The following HMGA2 variants were observed in gnomAD, a reference collection of about 807,000 sequenced individuals.
HMGA2 encodes high mobility group protein HMGI-C.
In HMGA2, 8 loss-of-function variants were observed where a neutral mutation model predicts 19.1. The ratio of observed to expected loss-of-function variants is 0.42; its 90% CI spans 0.25 to 0.76. The LOEUF (loss-of-function observed/expected upper bound fraction) is 0.76, where lower values mean the gene tolerates loss of function less well. Among genes scored for constraint, HMGA2 ranks in the 30% least tolerant of loss-of-function variants. The pLI, the probability that HMGA2 is intolerant of heterozygous loss-of-function variation, is 0.28. For synonymous variants in HMGA2, 60 were observed against 48.8 expected (o/e 1.23, Z -0.96); for missense variants, 109 against 136.3 (o/e 0.80, Z 1.00).
chr12:65,923,072 G>A (rs902643029), intron 3 of HMGA2, among the ~76,000 whole-genome samples: 3 of 152,228 alleles, frequency 2.0e-5, no homozygotes, highest in African/African-American at 4.8e-5. Context: ...CCAACCTTGG[G>A]AAACTTCATT....
At position 65,965,404 on chromosome 12, in the gene HMGA2, C is replaced by G. The variant is rs192310189; in HGVS notation, c.*2112C>G. On this transcript the variant is annotated 3_prime_UTR_variant, in exon 5 of 5. Coordinates refer to ENST00000403681, the MANE Select transcript of HMGA2 (RefSeq NM_003483.6). ...TTTAACATGGTATTATCAACTGGGCCAGGAGGTAGTTTCTCATGACGGCTT... is the reference window on the plus strand; with the variant it reads ...TTTAACATGGTATTATCAACTGGGCGAGGAGGTAGTTTCTCATGACGGCTT... The G allele has an allele frequency of 4.1e-4, 84 of 203,656 alleles. No homozygotes were observed. Among genetic ancestry groups the G allele is most frequent in the African/African-American group, 1.9e-3 (83 of 43,748 alleles). The allele number at this position is 203,656 out of a possible 1,614,324, so 12.6% of individuals were successfully genotyped here.
intron 3 of HMGA2, among the ~76,000 whole-genome samples, chr12:65,873,333 A>T (rs973674790): frequency 6.6e-6 from 1 of 152,220 alleles, no homozygotes; most frequent in Non-Finnish European, 1.5e-5. Context: ...TTACAAATAA[A>T]TAATGCTTTC....
intron 2 of HMGA2, among the ~76,000 whole-genome samples, chr12:65,836,954 G>C (rs1199172871): frequency 6.6e-6 from 1 of 152,172 alleles, no homozygotes; most frequent in African/African-American, 2.4e-5. Flanking sequence ...TAAGAGGCTA[G>C]GAGCACAGTC....
rs1419274815 is a variant in HMGA2 at position 65,963,550 on chromosome 12, T to C, written c.*258T>C. The C allele has an allele frequency of 9.6e-6, 5 of 520,602 alleles. No homozygotes were observed. Among genetic ancestry groups the C allele is most frequent in the African/African-American group, 7.8e-5 (4 of 51,524 alleles). 32.2% of individuals were successfully genotyped at this position (520,602 alleles called of 1,614,324 possible). ...CTGCTGTAAACACAGGGGACACAGCTTAACAATGCAACTTTTAATTACTGT... is the reference window on the plus strand; with the variant it reads ...CTGCTGTAAACACAGGGGACACAGCCTAACAATGCAACTTTTAATTACTGT... On this transcript the variant is annotated 3_prime_UTR_variant, in exon 5 of 5. Coordinates refer to ENST00000403681, the MANE Select transcript of HMGA2 (RefSeq NM_003483.6).
chr12:65,827,925 A>C, intron 1 of HMGA2, 76 bp from the exon 2 acceptor site: 5 of 1,027,704 alleles, frequency 4.9e-6, no homozygotes, highest in Non-Finnish European at 7.7e-6. Flanking sequence ...CATGCAGAAA[A>C]TATAGCTAAA....
At chr12:65,910,631 G>C (rs1167477509) in intron 3 of HMGA2, among the ~76,000 whole-genome samples, 1 of 152,168 alleles carries the variant, frequency 6.6e-6, no homozygotes, top group Non-Finnish European at 1.5e-5. Context: ...TGTGGTCCCT[G>C]AGTTTTCATG....
At chr12:65,930,314 G>T (rs1875663974) in intron 3 of HMGA2, among the ~76,000 whole-genome samples, 1 of 152,116 alleles carries the variant, frequency 6.6e-6, no homozygotes, top group Non-Finnish European at 1.5e-5. Context: ...AAAGGGTACG[G>T]CCATGACCAC....
rs1246289081 is a variant in HMGA2 at position 65,964,880 on chromosome 12, T to C, written c.*1588T>C. On this transcript the variant is annotated 3_prime_UTR_variant, in exon 5 of 5. Coordinates refer to ENST00000403681, the MANE Select transcript of HMGA2 (RefSeq NM_003483.6). ...CACTACACATCACACAAGATTTGACTGTAATATTTAAATATTACCCTCCAA... is the reference window on the plus strand; with the variant it reads ...CACTACACATCACACAAGATTTGACCGTAATATTTAAATATTACCCTCCAA... 5.2e-6 allele frequency: 1 copy of C among 191,956 alleles called. No individual in the cohort carries two copies. Among genetic ancestry groups the C allele is most frequent in the Non-Finnish European group, 1.1e-5 (1 of 91,420 alleles). The allele number at this position is 191,956 out of a possible 1,614,324, so 11.9% of individuals were successfully genotyped here. A position where few individuals can be genotyped will look rare whatever the true frequency, so the allele number is the denominator to read the frequency against.
chr12:65,927,566 C>T lies in HMGA2; in HGVS notation c.250-23817C>T, dbSNP rs74498814. On this transcript the variant is annotated intron_variant, in intron 3 of 4. Coordinates refer to ENST00000403681, the MANE Select transcript of HMGA2 (RefSeq NM_003483.6). ...CGTTTTATAAAATCACAAATTATCA[C>T]AGTGATCTCCATTTGAGATGGAGAA... Among the ~76,000 whole-genome samples the T allele has an allele frequency of 7.3e-3, 1,113 of 152,266 alleles. 38 individuals carry two copies. Among genetic ancestry groups the T allele is most frequent in the South Asian group, 0.07 (340 of 4,826 alleles).
intron 3 of HMGA2, among the ~76,000 whole-genome samples, chr12:65,875,482 G>T (rs549070683): frequency 8.2e-4 from 125 of 151,792 alleles, no homozygotes; most frequent in South Asian, 2.3e-3. Flanking sequence ...GGAGTGCAGT[G>T]GTGTGATCTC....
intron 3 of HMGA2, among the ~76,000 whole-genome samples, chr12:65,850,830 A>G (rs1871429505): frequency 6.6e-6 from 1 of 152,200 alleles, no homozygotes; most frequent in Admixed American, 6.5e-5. Flanking sequence ...TGTGTATGAA[A>G]AAAGCAATTT....
intron 3 of HMGA2, among the ~76,000 whole-genome samples, chr12:65,899,609 G>A (rs969525730): frequency 6.6e-6 from 1 of 152,196 alleles, no homozygotes; most frequent in Non-Finnish European, 1.5e-5. Flanking sequence ...CCAGCTTTCC[G>A]AATGCTGGTT....
chr12:65,874,886 A>G (rs2121059655), intron 3 of HMGA2, among the ~76,000 whole-genome samples: 1 of 152,310 alleles, frequency 6.6e-6, no homozygotes, highest in South Asian at 2.1e-4. Context: ...TTTGAGACAG[A>G]TGTAGCTCTT....
At chr12:65,848,833 G>C (rs1489730287) in intron 3 of HMGA2, among the ~76,000 whole-genome samples, 1 of 151,880 alleles carries the variant, frequency 6.6e-6, no homozygotes. Flanking sequence ...TCCGCAGTCC[G>C]ACCTGGGCGA....
At chr12:65,918,561 G>A (rs933417691) in intron 3 of HMGA2, among the ~76,000 whole-genome samples, 8 of 152,040 alleles carry the variant, frequency 5.3e-5, no homozygotes, top group African/African-American at 1.7e-4. Flanking sequence ...AAGAAAAATG[G>A]CCTTGAAAAC....
At position 65,825,741 on chromosome 12, in the gene HMGA2, C is replaced by T. The variant is rs567273804; in HGVS notation, c.111+360C>T. Among the ~76,000 whole-genome samples, 1 of 152,300 alleles carries T rather than the reference C, an allele frequency of 6.6e-6. No individual in the cohort carries two copies. Among genetic ancestry groups the T allele is most frequent in the African/African-American group, 2.4e-5 (1 of 41,584 alleles). On this transcript the variant is annotated intron_variant, in intron 1 of 4. Transcript: ENST00000403681. The surrounding 1 kb of genome is among the most constrained non-coding windows in gnomAD (Gnocchi z 4.4). ...CAAACCCGGGCTCGCAGGCGCTTTC[C>T]GAGTTGCTTTTGCAACTGCCCGGGA...
In HMGA2 at chr12:65,824,733, C is replaced by CTCTG. The variant is rs1555179152; in HGVS notation, c.-535_-534insGTCT. The CTCTG allele has an allele frequency of 1.6e-3, 286 of 181,514 alleles. 2 individuals are homozygous for CTCTG. Among genetic ancestry groups the CTCTG allele is most frequent in the African/African-American group, 0.011 (263 of 24,956 alleles). 11.2% of individuals were successfully genotyped at this position (181,514 alleles called of 1,614,324 possible). On this transcript the variant is annotated 5_prime_UTR_variant, in exon 1 of 5. Coordinates refer to ENST00000403681, the MANE Select transcript of HMGA2 (RefSeq NM_003483.6). ...ATCTCTTCTCTCTCTCTCTCTCTCT[C>CTCTG]TCTCTCTCTCTCTCTCTCTCTCTCT...
chr12:65,855,982 A>G (rs1225203577), intron 3 of HMGA2: 2 of 151,392 alleles, frequency 1.3e-5, no homozygotes, highest in Admixed American at 6.6e-5. Flanking sequence ...GGTAACTATT[A>G]TCTTATTTAA....
chr12:65,923,834 AC>A (rs954316387), intron 3 of HMGA2, among the ~76,000 whole-genome samples: 5 of 151,778 alleles, frequency 3.3e-5, no homozygotes, highest in African/African-American at 9.7e-5. Context: ...ACATGGAGAA[AC>A]CCCGTCTCTA....
Sources: allele counts gnomAD v4.1 joint callset (sites outside exome capture counted in the v4.1 genomes callset), GRCh38; gene constraint gnomAD v4.1.1; non-coding constraint Gnocchi (gnomAD v3.1); transcripts MANE v1.5; gene names NCBI Gene and HGNC (gene_info 2026-07-23, HGNC 2026-07-21).